The following PLAC9 variants were observed in gnomAD, a reference collection of about 807,000 sequenced individuals.
PLAC9 encodes the protein placenta-specific protein 9.
A neutral mutation model predicts 11.5 loss-of-function variants in PLAC9; 12 were observed. The ratio of observed to expected loss-of-function variants is 1.05; its 90% CI spans 0.67 to 1.69. The LOEUF (loss-of-function observed/expected upper bound fraction) is 1.69. Ranked by LOEUF, PLAC9 falls within the 40% of genes most tolerant of loss-of-function variation. The pLI is 0.00. For synonymous variants in PLAC9, 62 were observed against 58.1 expected, an observed-to-expected ratio of 1.07 and a Z score of -0.31; for missense variants, 132 against 130.5, an observed-to-expected ratio of 1.01 and a Z score of -0.06.
At position 80,142,152 on chromosome 10, in the gene PLAC9, G is replaced by A. The variant is rs1845048014; in HGVS notation, c.135G>A (p.Val45=). The change falls in exon 2 of 4, where the codon GTG becomes GTA. Residue 45 remains valine (V), a synonymous_variant. Transcript: ENST00000372263. ...CAGCGTGTGACAGACACATGGCTGT[G>A]CAACGCCGTCTAGATGTCATGGAGG... ...QSTACDRHMA[V]QRRLDVMEEM... 1 of 1,609,688 alleles carries A rather than the reference G, an allele frequency of 6.2e-7. No individual in the cohort carries two copies. Among genetic ancestry groups the A allele is most frequent in the African/African-American group, 1.3e-5 (1 of 74,862 alleles).
intron 1 of PLAC9, among the ~76,000 whole-genome samples, chr10:80,135,311 T>G (rs1336813104): frequency 7.4e-6 from 1 of 134,690 alleles, no homozygotes; most frequent in East Asian, 2.3e-4. Flanking sequence ...TGTGAGCCAC[T>G]GCGCCCGGCC....
intron 1 of PLAC9, among the ~76,000 whole-genome samples, chr10:80,136,845 C>T (rs1844984904): frequency 6.6e-6 from 1 of 152,010 alleles, no homozygotes; most frequent in African/African-American, 2.4e-5. Flanking sequence ...TCTCTGCAGC[C>T]TCCAAAAGAC....
At chr10:80,143,491 G>A (rs1011737335) in intron 2 of PLAC9, among the ~76,000 whole-genome samples, 2 of 130,110 alleles carry the variant, frequency 1.5e-5, no homozygotes, top group African/African-American at 6.0e-5. Context: ...TCCACCTCCC[G>A]GTTCAAGTGA....
At chr10:80,132,685 C>A, upstream of PLAC9, 1 of 1,260,986 alleles carries the variant, frequency 7.9e-7, no homozygotes, top group Non-Finnish European at 1.0e-6. Context: ...GAGTGCATTT[C>A]CTCTCGGGCC....
intron 1 of PLAC9, among the ~76,000 whole-genome samples, chr10:80,139,012 C>A (rs1162931578): frequency 7.0e-6 from 1 of 142,990 alleles, no homozygotes; most frequent in East Asian, 2.0e-4. Context: ...AGTGCAGTGG[C>A]GCGATCTCCA....
At chr10:80,140,279 T>C (rs577654596) in intron 1 of PLAC9, among the ~76,000 whole-genome samples, 2 of 152,212 alleles carry the variant, frequency 1.3e-5, no homozygotes, top group South Asian at 4.1e-4. Context: ...TCTCCCTTCC[T>C]TCACAGCCAA....
chr10:80,142,572 T>C (rs1228478426), intron 2 of PLAC9, among the ~76,000 whole-genome samples: 2 of 152,236 alleles, frequency 1.3e-5, no homozygotes, highest in East Asian at 3.8e-4. Context: ...GTATTAACAG[T>C]ACTATAACTT....
rs150014877 is a variant in PLAC9, at chr10:80,140,579, C to T, written c.65-1503C>T. Among the ~76,000 whole-genome samples, 127 of 152,306 alleles carry T rather than the reference C, an allele frequency of 8.3e-4. 2 individuals are homozygous for T. The East Asian group carries it at 0.022, about 26-fold the overall frequency. On this transcript the variant is annotated intron_variant, in intron 1 of 3. Transcript: ENST00000372263. ...TGTCAGCGTTCTCCAAGGTTCCAGCCAACCCTGATGCCCCACAGGCATCTC... is the reference window on the plus strand; with the variant it reads ...TGTCAGCGTTCTCCAAGGTTCCAGCTAACCCTGATGCCCCACAGGCATCTC...
At chr10:80,142,336 C>T (rs914363782) in intron 2 of PLAC9, among the ~76,000 whole-genome samples, 157 bp downstream of exon 2, 8 of 152,102 alleles carry the variant, frequency 5.3e-5, no homozygotes, top group Non-Finnish European at 7.4e-5. Context: ...TCTAGGCTGC[C>T]GGGCTGCCCA....
chr10:80,133,201 G>C (rs899221360), intron 1 of PLAC9, among the ~76,000 whole-genome samples: 2 of 152,158 alleles, frequency 1.3e-5, no homozygotes, highest in African/African-American at 2.4e-5. Context: ...TGGAGGGAGA[G>C]AGGATATTGA....
intron 1 of PLAC9, among the ~76,000 whole-genome samples, chr10:80,133,682 T>C (rs1326680084): frequency 2.0e-5 from 3 of 152,168 alleles, no homozygotes; most frequent in Non-Finnish European, 4.4e-5. Context: ...TGCTTTTCAC[T>C]GTCCGCTTTC....
chr10:80,139,512 G>A lies in PLAC9; in HGVS notation c.65-2570G>A, dbSNP rs1845016442. 1.3e-5 allele frequency among the ~76,000 whole-genome samples: 2 copies of A among 152,202 alleles called. 1 individual carries two copies. The highest frequency in any genetic ancestry group is 4.1e-4 in the South Asian group (2 of 4,836). On this transcript the variant is annotated intron_variant, in intron 1 of 3. Coordinates refer to ENST00000372263, the MANE Select transcript of PLAC9 (RefSeq NM_001012973.3). ...GTCTTTGCTGCCCTGCACCCAGACTGTGGAGCACTGCTGGGGGAGGACTCG... is the reference window on the plus strand; with the variant it reads ...GTCTTTGCTGCCCTGCACCCAGACTATGGAGCACTGCTGGGGGAGGACTCG...
chr10:80,136,260 C>T (rs921459306), intron 1 of PLAC9, among the ~76,000 whole-genome samples: 10 of 152,090 alleles, frequency 6.6e-5, no homozygotes, highest in African/African-American at 2.2e-4. Context: ...TAGCAGGAGC[C>T]GGGCCAGAGA....
intron 1 of PLAC9, among the ~76,000 whole-genome samples, chr10:80,138,727 A>T (rs1845005379): frequency 6.6e-6 from 1 of 152,124 alleles, no homozygotes; most frequent in Non-Finnish European, 1.5e-5. Context: ...ATCCATCATC[A>T]GCTCTGTCCT....
chr10:80,144,189 T>G (rs199848016), intron 2 of PLAC9, 34 bp from the exon 3 acceptor site: 1 of 1,614,020 alleles, frequency 6.2e-7, no homozygotes. Flanking sequence ...TGGAACCACT[T>G]CTGTCCTCGA....
chr10:80,133,480 G>C (rs1399007309), intron 1 of PLAC9, among the ~76,000 whole-genome samples: 1 of 152,246 alleles, frequency 6.6e-6, no homozygotes, highest in African/African-American at 2.4e-5. Flanking sequence ...GTCGGGCCCA[G>C]GAGAAAGGCC....
intron 3 of PLAC9, among the ~76,000 whole-genome samples, chr10:80,144,673 CCT>C (rs569044105): frequency 2.6e-5 from 4 of 152,188 alleles, no homozygotes; most frequent in African/African-American, 9.6e-5. Context: ...TTAATTTTCC[CCT>C]GAGCAGCCAC....
intron 2 of PLAC9, 146 bp from the exon 3 acceptor site, chr10:80,144,077 C>T: frequency 9.2e-7 from 1 of 1,092,620 alleles, no homozygotes. Flanking sequence ...GGGGCAGAGC[C>T]TGAGTGAGGA....
At chr10:80,133,494 G>A (rs930757758) in intron 1 of PLAC9, among the ~76,000 whole-genome samples, 10 of 152,224 alleles carry the variant, frequency 6.6e-5, no homozygotes, top group South Asian at 2.1e-4. Context: ...AAAGGCCACC[G>A]ATTCACCTGC....
Sources: allele counts gnomAD v4.1 joint callset (sites outside exome capture counted in the v4.1 genomes callset), GRCh38; gene constraint gnomAD v4.1.1; transcripts MANE v1.5; gene names NCBI Gene and HGNC (gene_info 2026-07-23, HGNC 2026-07-21).